Variants in DPYS observed in about 807,000 individuals in gnomAD.
DPYS encodes the protein dihydropyrimidinase, also known as dihydropyrimidine amidohydrolase.
A neutral mutation model predicts 50.3 loss-of-function variants in DPYS; 39 were observed. The ratio of observed to expected loss-of-function variants is 0.78; its 90% CI spans 0.60 to 1.01. The LOEUF is 1.01. Ranked by LOEUF, DPYS falls within the 50% of genes least tolerant of loss-of-function variation. The probability of loss-of-function intolerance (pLI) is 0.00; values close to 1 mark genes in which losing one functional copy is unlikely to be tolerated. For missense variants in DPYS, 659 were observed against 680.9 expected (o/e 0.97, Z 0.36); for synonymous variants, 245 against 250.7 (o/e 0.98, Z 0.22).
intron 7 of DPYS, among the ~76,000 whole-genome samples, chr8:104,417,155 C>T (rs1812396090): frequency 6.6e-6 from 1 of 152,118 alleles, no homozygotes; most frequent in South Asian, 2.1e-4. Context: ...CGGCAGAATA[C>T]GGTCCAGCTA....
intron 7 of DPYS, among the ~76,000 whole-genome samples, chr8:104,398,120 A>C (rs1486837754): frequency 1.3e-5 from 2 of 152,216 alleles, no homozygotes; most frequent in African/African-American, 4.8e-5. Flanking sequence ...AGAAGCCAAA[A>C]ACATGTCTTC....
chr8:104,383,062 C>A (rs769784681), intron 8 of DPYS, among the ~76,000 whole-genome samples: 29 of 152,190 alleles, frequency 1.9e-4, no homozygotes, highest in Non-Finnish European at 3.5e-4. Flanking sequence ...GGCCATCACA[C>A]ACAGGGCCTG....
chr8:104,455,403 G>A lies in DPYS; in HGVS notation c.265-3999C>T, dbSNP rs548793134. Among the ~76,000 whole-genome samples the A allele has an allele frequency of 1.2e-3, 180 of 152,350 alleles. 2 individuals are homozygous for A. In the South Asian group the frequency reaches 0.036, roughly 30 times the overall value. Reference sequence around the variant, plus strand: ...TCCCAGAGGAGGAAAACAGGGCAATGATTGTTTTCAGTTGCGAAGGGAGTC... The same window carrying A: ...TCCCAGAGGAGGAAAACAGGGCAATAATTGTTTTCAGTTGCGAAGGGAGTC... On this transcript the variant is annotated intron_variant, in intron 1 of 9. Transcript: ENST00000351513.
intron 8 of DPYS, chr8:104,381,544 A>T (rs569167825): frequency 7.3e-5 from 35 of 480,970 alleles, no homozygotes; most frequent in African/African-American, 5.3e-4. Flanking sequence ...AGGGACACTC[A>T]CTGGGGCCTC....
intron 1 of DPYS, among the ~76,000 whole-genome samples, chr8:104,462,123 G>A (rs374084467): frequency 7.8e-4 from 118 of 152,256 alleles, no homozygotes; most frequent in Non-Finnish European, 1.6e-3. Flanking sequence ...AGGTCTGGAT[G>A]ATAAGTATAT....
At chr8:104,426,098 C>G (rs1812711539) in intron 6 of DPYS, among the ~76,000 whole-genome samples, 1 of 152,014 alleles carries the variant, frequency 6.6e-6, no homozygotes, top group South Asian at 2.1e-4. Flanking sequence ...GAGAAGTCAT[C>G]TGGGATGGTT....
At chr8:104,413,374 A>G (rs1812257113) in intron 7 of DPYS, among the ~76,000 whole-genome samples, 1 of 151,888 alleles carries the variant, frequency 6.6e-6, no homozygotes, top group African/African-American at 2.4e-5. Context: ...GCACCTATAT[A>G]TATATAGTAA....
chr8:104,398,281 T>G (rs780268158), intron 7 of DPYS, among the ~76,000 whole-genome samples: 2 of 152,136 alleles, frequency 1.3e-5, no homozygotes, highest in Admixed American at 6.5e-5. Flanking sequence ...AATCCTGGGT[T>G]TAGGGCCAGC....
At chr8:104,459,247 C>T (rs947933166) in intron 1 of DPYS, among the ~76,000 whole-genome samples, 7 of 152,198 alleles carry the variant, frequency 4.6e-5, no homozygotes, top group African/African-American at 1.7e-4. Flanking sequence ...TGATTGATGA[C>T]TCAGCAACAG....
Position 104,446,758 on chromosome 8 carries a change from G to C in DPYS, c.603+566C>G, listed in dbSNP as rs564007297. On this transcript the variant is annotated intron_variant, in intron 3 of 9. Coordinates refer to ENST00000351513, the MANE Select transcript of DPYS (RefSeq NM_001385.3). ...AAAAAAAAAGTCAGCTAATATAAAG[G>C]GCAAGAGACAGCTCTTTAAATCTTG... 3.9e-5 allele frequency among the ~76,000 whole-genome samples: 6 copies of C among 152,166 alleles called. No homozygotes were observed. In the South Asian group the frequency reaches 1.2e-3, roughly 32 times the overall value.
At chr8:104,464,873 T>C (rs1814303224) in intron 1 of DPYS, among the ~76,000 whole-genome samples, 1 of 152,238 alleles carries the variant, frequency 6.6e-6, no homozygotes, top group Non-Finnish European at 1.5e-5. Context: ...GAAAAATAAG[T>C]TCATTCAAAT....
chr8:104,424,517 G>C, intron 6 of DPYS, 128 bp from the exon 7 acceptor site: 3 of 944,538 alleles, frequency 3.2e-6, no homozygotes, highest in Non-Finnish European at 4.8e-6. Context: ...TAGAGCATCT[G>C]AGGATGCTGG....
At chr8:104,460,386 CT>C (rs1814082131) in intron 1 of DPYS, among the ~76,000 whole-genome samples, 1 of 152,126 alleles carries the variant, frequency 6.6e-6, no homozygotes, top group Admixed American at 6.5e-5. Context: ...GCTCTCTCTC[CT>C]GCCACCATGT....
At chr8:104,457,105 A>G (rs1813951605) in intron 1 of DPYS, among the ~76,000 whole-genome samples, 1 of 152,214 alleles carries the variant, frequency 6.6e-6, no homozygotes, top group African/African-American at 2.4e-5. Context: ...GGGCACAGTA[A>G]GAGACTAACA....
intron 7 of DPYS, among the ~76,000 whole-genome samples, chr8:104,397,863 G>A (rs1811644735): frequency 6.6e-6 from 1 of 152,148 alleles, no homozygotes; most frequent in South Asian, 2.1e-4. Flanking sequence ...CCATCAGAAA[G>A]TTTTAAAAAT....
At chr8:104,459,924 G>A (rs139648560) in intron 1 of DPYS, among the ~76,000 whole-genome samples, 1 of 152,172 alleles carries the variant, frequency 6.6e-6, no homozygotes, top group African/African-American at 2.4e-5. Flanking sequence ...TTAAGAAGTT[G>A]TTTTTTTGTA....
intron 4 of DPYS, among the ~76,000 whole-genome samples, chr8:104,432,953 C>A (rs1049136661): frequency 6.6e-6 from 1 of 152,104 alleles, no homozygotes; most frequent in Non-Finnish European, 1.5e-5. Context: ...GAAAAAGGAT[C>A]TTTATGGAGG....
At chr8:104,398,277 G>A (rs1811656611) in intron 7 of DPYS, among the ~76,000 whole-genome samples, 1 of 152,228 alleles carries the variant, frequency 6.6e-6, no homozygotes. Flanking sequence ...GGTCAATCCT[G>A]GGTTTAGGGC....
chr8:104,383,675 C>G (rs1179680972), intron 8 of DPYS, among the ~76,000 whole-genome samples: 1 of 151,348 alleles, frequency 6.6e-6, no homozygotes, highest in African/African-American at 2.4e-5. Context: ...AATGTTGGCT[C>G]ACTGCAAACT....
Sources: gnomAD v4.1 joint callset for allele counts (sites outside exome capture counted in the v4.1 genomes callset) on GRCh38, gnomAD v4.1.1 for gene constraint, MANE v1.5 for transcripts, NCBI Gene and HGNC (gene_info 2026-07-23, HGNC 2026-07-21) for gene names.